ARSG: variants seen among roughly 807,000 people sequenced by gnomAD.
ARSG encodes the protein ASG.
Under a neutral mutation model 50.5 loss-of-function variants are expected in ARSG, and 37 were observed. The ratio of observed to expected loss-of-function variants is 0.73; its 90% CI spans 0.56 to 0.96. The LOEUF is 0.96. Among genes scored for constraint, ARSG ranks in the 50% least tolerant of loss-of-function variants. ARSG has a pLI of 0.00. For missense variants in ARSG, 629 were observed against 675.3 expected (o/e 0.93, Z 0.76); for synonymous variants, 225 against 254.6 (o/e 0.88, Z 1.11).
chr17:68,424,562 A>G, downstream of ARSG: 1 of 524,272 alleles, frequency 1.9e-6, no homozygotes, highest in South Asian at 1.4e-5. Flanking sequence ...CTAGGAGCTG[A>G]TGCTCCAAGT....
chr17:68,333,464 A>G (rs866075495), intron 2 of ARSG, among the ~76,000 whole-genome samples: 3 of 152,042 alleles, frequency 2.0e-5, no homozygotes, highest in Non-Finnish European at 2.9e-5. Context: ...CCCCATCTCT[A>G]CTAAAAATAC....
chr17:68,396,793 G>C (rs75360451), intron 10 of ARSG, among the ~76,000 whole-genome samples: 2,482 of 152,286 alleles, frequency 0.016, 81 homozygotes, highest in African/African-American at 0.057. Context: ...AAGCCTGAGA[G>C]GTGTTCTGAA....
intron 1 of ARSG, among the ~76,000 whole-genome samples, chr17:68,296,103 A>C (rs1379054065): frequency 2.0e-5 from 3 of 152,202 alleles, no homozygotes; most frequent in African/African-American, 7.2e-5. Context: ...ATCTCAGAAC[A>C]AAATTATTTA....
At chr17:68,332,345 G>A (rs1283474784) in intron 2 of ARSG, among the ~76,000 whole-genome samples, 1 of 152,162 alleles carries the variant, frequency 6.6e-6, no homozygotes, top group African/African-American at 2.4e-5. Flanking sequence ...CCTGAACATC[G>A]CTGTTACCCT....
chr17:68,318,484 C>T (rs2077157488), intron 2 of ARSG, among the ~76,000 whole-genome samples: 1 of 152,142 alleles, frequency 6.6e-6, no homozygotes, highest in Non-Finnish European at 1.5e-5. Flanking sequence ...GATTTGAGCT[C>T]CTGGGCAGTA....
the ARSG span, among the ~76,000 whole-genome samples, chr17:68,443,815 A>G: frequency 6.6e-6 from 1 of 152,236 alleles, no homozygotes; most frequent in Non-Finnish European, 1.5e-5. Flanking sequence ...CATTAAATGT[A>G]CAAGTTGTTC....
chr17:68,436,555 A>G, the ARSG span: 9 of 1,383,904 alleles, frequency 6.5e-6, no homozygotes, highest in Non-Finnish European at 8.2e-6. Context: ...GCATCTGAAA[A>G]CAGTACAGCT....
At chr17:68,359,069 A>C (rs1288430920) in intron 6 of ARSG, among the ~76,000 whole-genome samples, 1 of 151,670 alleles carries the variant, frequency 6.6e-6, no homozygotes, top group Non-Finnish European at 1.5e-5. Context: ...AGGCTGAGGC[A>C]GGAGAATGGC....
chr17:68,431,942 C>T, the ARSG span, among the ~76,000 whole-genome samples: 1 of 152,272 alleles, frequency 6.6e-6, no homozygotes, highest in Admixed American at 6.5e-5. Context: ...TGGGGTTGAA[C>T]GGCATCTTAA....
At chr17:68,427,047 T>G, downstream of ARSG, 4 of 1,090,346 alleles carry the variant, frequency 3.7e-6, no homozygotes, top group South Asian at 2.7e-5. Flanking sequence ...CAGGTAACAG[T>G]GAAGGGGGAA....
chr17:68,407,305 A>G (rs2081772756), intron 11 of ARSG, among the ~76,000 whole-genome samples: 1 of 152,176 alleles, frequency 6.6e-6, no homozygotes, highest in African/African-American at 2.4e-5. Flanking sequence ...AGGTAGTGTG[A>G]TGCCTCCAGA....
chr17:68,417,733 A>ATTTT (rs770292731), intron 11 of ARSG, among the ~76,000 whole-genome samples: 6,637 of 60,774 alleles, frequency 0.11, 1,935 homozygotes, highest in Non-Finnish European at 0.13. Flanking sequence ...GAGTTGCTGA[A>ATTTT]TTTTTTTTTT....
At chr17:68,337,519 G>A (rs1228717470) in intron 2 of ARSG, among the ~76,000 whole-genome samples, 1 of 152,160 alleles carries the variant, frequency 6.6e-6, no homozygotes, top group Non-Finnish European at 1.5e-5. Context: ...AGGCGAAGGA[G>A]GAAGGTTTCC....
chr17:68,387,151 CA>C (rs2080770651), intron 9 of ARSG, among the ~76,000 whole-genome samples: 1 of 151,514 alleles, frequency 6.6e-6, no homozygotes, highest in Admixed American at 6.6e-5. Context: ...TGTTAAGAGA[CA>C]GGGCATCACT....
intron 1 of ARSG, among the ~76,000 whole-genome samples, chr17:68,278,832 C>A (rs1234509820): frequency 6.6e-6 from 1 of 151,984 alleles, no homozygotes; most frequent in Non-Finnish European, 1.5e-5. Context: ...GTTGGCCAGG[C>A]TGGGCTCAAA....
intron 3 of ARSG, among the ~76,000 whole-genome samples, chr17:68,344,524 G>C (rs941472134): frequency 2.0e-5 from 3 of 152,184 alleles, no homozygotes; most frequent in African/African-American, 7.2e-5. Context: ...CTGTTTATTG[G>C]CATGAAGATG....
chr17:68,289,548 A>G (rs58175454), upstream of ARSG, among the ~76,000 whole-genome samples: 28,567 of 152,180 alleles, frequency 0.19, 2,744 homozygotes, highest in Middle Eastern at 0.27. Flanking sequence ...CTTCTTCTTA[A>G]AGGCGTAGCC....
chr17:68,291,173 A>C (rs570369169), upstream of ARSG: 7 of 151,884 alleles, frequency 4.6e-5, no homozygotes, highest in African/African-American at 1.2e-4. Flanking sequence ...GCTCGGTAAC[A>C]TGAGAAAAGG....
chr17:68,338,837 G>A (rs899032424), intron 2 of ARSG, among the ~76,000 whole-genome samples: 2 of 152,152 alleles, frequency 1.3e-5, no homozygotes, highest in East Asian at 3.9e-4. Context: ...TTGGACTTTC[G>A]TTTGAAAATG....
Sources: gnomAD v4.1 joint callset for allele counts (sites outside exome capture counted in the v4.1 genomes callset) on GRCh38, gnomAD v4.1.1 for gene constraint, MANE v1.5 for transcripts, NCBI Gene and HGNC (gene_info 2026-07-23, HGNC 2026-07-21) for gene names.